Variants in NWD1 observed in about 807,000 individuals in gnomAD.
The protein encoded by NWD1 is NACHT and WD repeat domain containing 1, also known as NACHT domain- and WD repeat-containing protein 1.
NWD1 carries 129 observed loss-of-function variants against 135.1 expected under a neutral mutation model. The ratio of observed to expected loss-of-function variants is 0.96; its 90% CI spans 0.83 to 1.11. The LOEUF (loss-of-function observed/expected upper bound fraction) is 1.11. Ranked by LOEUF, NWD1 falls within the 50% of genes least tolerant of loss-of-function variation. The pLI is 0.00. For missense variants in NWD1, 1,740 were observed against 1,851.3 expected, an observed-to-expected ratio of 0.94 and a Z score of 1.10; for synonymous variants, 773 against 786.0, an observed-to-expected ratio of 0.98 and a Z score of 0.28.
chr19:16,784,026 G>A (rs1277500997), intron 12 of NWD1, among the ~76,000 whole-genome samples: 2 of 152,018 alleles, frequency 1.3e-5, no homozygotes, highest in African/African-American at 4.8e-5. Context: ...CCAATATGGC[G>A]AAACCCCATC....
At chr19:16,805,473 C>T (rs1357513912) in intron 17 of NWD1, among the ~76,000 whole-genome samples, 1 of 152,060 alleles carries the variant, frequency 6.6e-6, no homozygotes, top group Non-Finnish European at 1.5e-5. Context: ...GGATTAGAGG[C>T]GCACACCACC....
chr19:16,730,505 G>T (rs1040602329), intron 2 of NWD1, among the ~76,000 whole-genome samples: 1 of 151,948 alleles, frequency 6.6e-6, no homozygotes, highest in African/African-American at 2.4e-5. Flanking sequence ...CTTGAGCCTA[G>T]GAGTCTGAGG....
chr19:16,773,042 C>A, intron 10 of NWD1, 84 bp from the exon 11 acceptor site: 1 of 1,136,084 alleles, frequency 8.8e-7, no homozygotes, highest in East Asian at 2.3e-5. Flanking sequence ...GTTCTGGAGC[C>A]CCTGCAGGGA....
chr19:16,745,196 A>G (rs564933736), intron 5 of NWD1: 60 of 395,272 alleles, frequency 1.5e-4, no homozygotes, highest in African/African-American at 1.1e-3. Context: ...TTATAAAACC[A>G]TCAGATCTTG....
intron 14 of NWD1, 28 bp downstream of exon 14, chr19:16,791,650 A>G: frequency 1.2e-6 from 2 of 1,606,682 alleles, no homozygotes; most frequent in Non-Finnish European, 8.5e-7. Flanking sequence ...CTATGATGTG[A>G]ACATTAACTC....
At chr19:16,787,908 ATCATCATCATCATCATCATC>A (rs1970100885) in intron 12 of NWD1, among the ~76,000 whole-genome samples, 113 of 104,120 alleles carry the variant, frequency 1.1e-3, no homozygotes, top group African/African-American at 4.1e-3. Context: ...AATAATAATC[ATCATCATCATCATCATCATC>A]ATCATCATCA....
chr19:16,762,629 G>C (rs1400405862), intron 8 of NWD1, among the ~76,000 whole-genome samples: 1 of 152,160 alleles, frequency 6.6e-6, no homozygotes, highest in Non-Finnish European at 1.5e-5. Flanking sequence ...TATAACTGTT[G>C]TATAATGATT....
At chr19:16,731,767 T>A (rs8101256) in intron 3 of NWD1, among the ~76,000 whole-genome samples, 16 of 150,940 alleles carry the variant, frequency 1.1e-4, no homozygotes, top group Non-Finnish European at 1.8e-4. Context: ...ACCACGCCCC[T>A]CTATCCATAC....
intron 8 of NWD1, 86 bp downstream of exon 8, chr19:16,762,224 C>A: frequency 1.6e-6 from 2 of 1,236,850 alleles, no homozygotes; most frequent in East Asian, 2.5e-5. Flanking sequence ...TTTTTGCACT[C>A]GAAATGTCCT....
Position 16,749,754 on chromosome 19 carries a change from G to T in NWD1, c.1112G>T (p.Arg371Leu). The T allele has an allele frequency of 1.9e-6, 3 of 1,607,232 alleles. No homozygotes were observed. Among genetic ancestry groups the T allele is most frequent in the Non-Finnish European group, 2.6e-6 (3 of 1,176,170 alleles). ...GGGCACAAGACAGTGACCGTCCTGC[G>T]GCTGCTGGGGACGTCACAAATGAGC... is the stretch of plus-strand genomic sequence containing the variant. Reference protein sequence around the residue: ...LLGHKTVTVLRLLGTSQMSSD... With the variant: ...LLGHKTVTVLLLLGTSQMSSD... The change falls in exon 6 of 19, where the codon CGG becomes CTG. Residue 371 changes from arginine (R) to leucine (L), a missense_variant. Coordinates refer to ENST00000524140, the MANE Select transcript of NWD1 (RefSeq NM_001007525.5).
intron 4 of NWD1, 72 bp from the exon 5 acceptor site, chr19:16,744,349 C>A: frequency 1.5e-6 from 2 of 1,376,786 alleles, no homozygotes; most frequent in Non-Finnish European, 2.0e-6. Flanking sequence ...CGCACTCCAG[C>A]CTGGGCGACA....
chr19:16,741,628 C>G (rs1968088613), intron 4 of NWD1, among the ~76,000 whole-genome samples: 1 of 151,922 alleles, frequency 6.6e-6, no homozygotes, highest in Non-Finnish European at 1.5e-5. Context: ...CTCGGCCTCC[C>G]AAAGTGCTGG....
intron 10 of NWD1, among the ~76,000 whole-genome samples, chr19:16,770,818 A>G (rs903477925): frequency 2.0e-5 from 3 of 152,128 alleles, no homozygotes; most frequent in South Asian, 2.1e-4. Context: ...CTGAAACCCT[A>G]TTTTTGTCAT....
At chr19:16,784,679 C>CGCT (rs1969977285) in intron 12 of NWD1, among the ~76,000 whole-genome samples, 1 of 151,906 alleles carries the variant, frequency 6.6e-6, no homozygotes, top group Admixed American at 6.6e-5. Context: ...GCCTGTAATC[C>CGCT]CAGCACTTTG....
chr19:16,744,124 C>T (rs1376216887), intron 4 of NWD1, among the ~76,000 whole-genome samples: 7 of 152,238 alleles, frequency 4.6e-5, no homozygotes, highest in African/African-American at 1.4e-4. Context: ...GACAGTGGCT[C>T]ACGACAGTAA....
intron 11 of NWD1, among the ~76,000 whole-genome samples, chr19:16,774,445 A>G (rs966250250): frequency 1.1e-4 from 16 of 146,470 alleles, no homozygotes; most frequent in Non-Finnish European, 2.1e-4. Flanking sequence ...TCTTTCATTC[A>G]TCTACTGTTC....
chr19:16,805,814 T>C (rs1321674249), intron 17 of NWD1, among the ~76,000 whole-genome samples: 3 of 152,142 alleles, frequency 2.0e-5, no homozygotes. Flanking sequence ...AAATCAGGAT[T>C]CCTTTCTCCT....
chr19:16,784,733 A>G (rs1213697982), intron 12 of NWD1, among the ~76,000 whole-genome samples: 1 of 152,000 alleles, frequency 6.6e-6, no homozygotes, highest in Non-Finnish European at 1.5e-5. Context: ...GATCGAGACC[A>G]TCCTGGCCAA....
Position 16,756,640 on chromosome 19 carries a change from G to A in NWD1, c.1770-2585G>A, listed in dbSNP as rs531299411. Among the ~76,000 whole-genome samples, 6 of 152,120 alleles carry A rather than the reference G, an allele frequency of 3.9e-5. No individual in the cohort carries two copies. In the South Asian group the frequency reaches 1.2e-3, roughly 32 times the overall value. ...TATATGCCTATCTATACATCTGCCT[G>A]TCTATCATGCTACCAGCATCTAGTG... On this transcript the variant is annotated intron_variant, in intron 6 of 18. Transcript: ENST00000524140.
Sources: gnomAD v4.1 joint callset for allele counts (sites outside exome capture counted in the v4.1 genomes callset) on GRCh38, gnomAD v4.1.1 for gene constraint, MANE v1.5 for transcripts, NCBI Gene and HGNC (gene_info 2026-07-23, HGNC 2026-07-21) for gene names.